The following HS6ST2 variants were observed in gnomAD, a reference collection of about 807,000 sequenced individuals.
HS6ST2 encodes heparan sulfate 6-O-sulfotransferase 2, also known as heparan-sulfate 6-O-sulfotransferase 2.
A neutral mutation model predicts 33.0 loss-of-function variants in HS6ST2; 17 were observed. The ratio of observed to expected loss-of-function variants is 0.52; its 90% CI spans 0.35 to 0.77. The LOEUF (loss-of-function observed/expected upper bound fraction) is 0.77. HS6ST2 is among the 30% of genes least tolerant of loss of function. The probability of loss-of-function intolerance (pLI) is 0.01; values close to 1 mark genes in which losing one functional copy is unlikely to be tolerated. For missense variants in HS6ST2, 519 were observed against 551.7 expected (o/e 0.94, Z 0.59); for synonymous variants, 248 against 237.1 (o/e 1.05, Z -0.42).
intron 3 of HS6ST2, among the ~76,000 whole-genome samples, chrX:132,673,423 C>T (rs1367113564): frequency 4.4e-5 from 5 of 112,470 alleles, no homozygotes; most frequent in Admixed American, 3.7e-4. Context: ...ACTCCAGTCA[C>T]TGAAGGTTGG....
intron 2 of HS6ST2, among the ~76,000 whole-genome samples, chrX:132,901,585 T>A (rs1248014541): frequency 6.3e-5 from 7 of 111,461 alleles, no homozygotes; most frequent in Admixed American, 3.8e-4. Flanking sequence ...ACTTAAAAAA[T>A]TTCATATTTT....
At chrX:132,650,741 ATCTCTCTCTCTC>A (rs3066707) in intron 4 of HS6ST2, among the ~76,000 whole-genome samples, 1 of 87,388 alleles carries the variant, frequency 1.1e-5, no homozygotes, top group African/African-American at 4.5e-5. Flanking sequence ...CATAGGAGGG[ATCTCTCTCTCTC>A]TCTCTCTCTC....
intron 2 of HS6ST2, among the ~76,000 whole-genome samples, chrX:132,741,226 A>G (rs1208047711): frequency 1.8e-5 from 2 of 111,361 alleles, no homozygotes; most frequent in African/African-American, 6.5e-5. Flanking sequence ...GCAAACCCAC[A>G]GCCTCTTTAA....
intron 2 of HS6ST2, among the ~76,000 whole-genome samples, chrX:132,719,356 C>T (rs1198832188): frequency 1.8e-5 from 2 of 112,043 alleles, no homozygotes; most frequent in East Asian, 2.8e-4. Context: ...ACCAAGGTCC[C>T]TCTACAATAA....
intron 2 of HS6ST2, among the ~76,000 whole-genome samples, chrX:132,936,003 AG>A (rs1454928577): frequency 1.4e-5 from 1 of 70,212 alleles, no homozygotes; most frequent in Admixed American, 2.0e-4. Context: ...TATAGATTCT[AG>A]GGAATTGAGA....
At chrX:132,804,584 G>A (rs892369596) in intron 2 of HS6ST2, among the ~76,000 whole-genome samples, 2 of 112,088 alleles carry the variant, frequency 1.8e-5, no homozygotes, top group Non-Finnish European at 3.8e-5. Context: ...AGGATCGCTT[G>A]AGCTCAGAAG....
At position 132,627,975 on chromosome X, in the gene HS6ST2, G is replaced by T. The variant is rs1004749964; in HGVS notation, c.*248C>A. 15 of 266,602 alleles carry T rather than the reference G, an allele frequency of 5.6e-5. No homozygotes were observed. Among genetic ancestry groups the T allele is most frequent in the Admixed American group, 4.1e-4 (7 of 16,977 alleles). 22.0% of individuals were successfully genotyped at this position (266,602 alleles called of 1,213,427 possible). On this transcript the variant is annotated 3_prime_UTR_variant, in exon 5 of 5. Transcript: ENST00000370833. ...CTAAACAGCAATTTCTGGTGAGTCT[G>T]GTTTGGCTTTCGGATTTCATATTTA...
intron 3 of HS6ST2, among the ~76,000 whole-genome samples, chrX:132,706,107 T>G (rs1458942361): frequency 9.0e-6 from 1 of 110,934 alleles, no homozygotes; most frequent in Non-Finnish European, 1.9e-5. Flanking sequence ...ATTTGGTGGT[T>G]GTTATCAAGA....
chrX:132,811,685 A>AATATATATATATAT (rs56390608), intron 2 of HS6ST2, among the ~76,000 whole-genome samples: 36 of 29,806 alleles, frequency 1.2e-3, no homozygotes, highest in Non-Finnish European at 1.6e-3. Flanking sequence ...AAGGCTGAAT[A>AATATATATATATAT]ATATATATAT....
chrX:132,828,852 A>G (rs1421781972), intron 2 of HS6ST2, among the ~76,000 whole-genome samples: 1 of 103,121 alleles, frequency 9.7e-6, no homozygotes, highest in African/African-American at 3.5e-5. Context: ...AAGTATATAA[A>G]TATATATATG....
chrX:132,698,272 A>G (rs750592594), intron 3 of HS6ST2, among the ~76,000 whole-genome samples: 13 of 112,530 alleles, frequency 1.2e-4, no homozygotes, highest in Admixed American at 1.0e-3. Context: ...TATAATTGTG[A>G]CAGAATCAAA....
upstream of HS6ST2, among the ~76,000 whole-genome samples, chrX:132,959,528 C>G (rs181067649): frequency 8.0e-5 from 9 of 112,317 alleles, no homozygotes; most frequent in East Asian, 2.5e-3. Flanking sequence ...ATGCAGACCA[C>G]GAGCTGAGTC....
In HS6ST2 at chrX:132,820,145, C is replaced by T. The variant is rs989065015; in HGVS notation, c.948-111651G>A. On this transcript the variant is annotated intron_variant, in intron 2 of 4. Coordinates refer to ENST00000370833, the MANE Select transcript of HS6ST2 (RefSeq NM_001394073.1). ...AAACTGGCTGCCCTAGTAGGCACCT[C>T]GAGCCTCCCCAGCCTGAGGTCTATT... Among the ~76,000 whole-genome samples the T allele has an allele frequency of 1.1e-3, 126 of 110,937 alleles. 1 individual carries two copies. Among genetic ancestry groups the T allele is most frequent in the African/African-American group, 3.7e-3 (114 of 30,455 alleles).
intron 2 of HS6ST2, among the ~76,000 whole-genome samples, chrX:132,721,955 G>C: frequency 9.0e-6 from 1 of 110,648 alleles, no homozygotes; most frequent in Non-Finnish European, 1.9e-5. Flanking sequence ...TTGGGAGGCC[G>C]AGACGGGCGG....
intron 4 of HS6ST2, among the ~76,000 whole-genome samples, chrX:132,637,014 C>A (rs908266674): frequency 8.9e-6 from 1 of 112,397 alleles, no homozygotes; most frequent in Non-Finnish European, 1.9e-5. Flanking sequence ...TGTGTTCAGG[C>A]TTCAATCCAG....
At chrX:132,635,966 G>A (rs776134611) in intron 4 of HS6ST2, among the ~76,000 whole-genome samples, 211 of 110,753 alleles carry the variant, frequency 1.9e-3, no homozygotes, top group African/African-American at 6.4e-3. Flanking sequence ...TCTCCTCCGC[G>A]AAACCTTCCT....
intron 2 of HS6ST2, among the ~76,000 whole-genome samples, chrX:132,792,070 T>C (rs1482786836): frequency 3.6e-5 from 4 of 112,516 alleles, no homozygotes; most frequent in Non-Finnish European, 7.5e-5. Context: ...TCTGCATTGT[T>C]GTAGAAGAAA....
intron 2 of HS6ST2, among the ~76,000 whole-genome samples, chrX:132,825,432 T>C (rs974089487): frequency 2.7e-5 from 3 of 111,517 alleles, no homozygotes; most frequent in Non-Finnish European, 5.7e-5. Flanking sequence ...CGTCAGCACT[T>C]GGGCAGCACC....
At chrX:132,735,475 G>A (rs979573129) in intron 2 of HS6ST2, 1 of 112,233 alleles carries the variant, frequency 8.9e-6, no homozygotes, top group African/African-American at 3.2e-5. Flanking sequence ...CACCAGGTGG[G>A]AAAACCGACC....
Sources: gnomAD v4.1 joint callset for allele counts (sites outside exome capture counted in the v4.1 genomes callset) on GRCh38, gnomAD v4.1.1 for gene constraint, MANE v1.5 for transcripts, NCBI Gene and HGNC (gene_info 2026-07-23, HGNC 2026-07-21) for gene names.